LARGE1: variants seen among roughly 807,000 people sequenced by gnomAD.
LARGE1 encodes the protein LARGE xylosyl- and glucuronyltransferase 1.
A neutral mutation model predicts 87.6 loss-of-function variants in LARGE1; 43 were observed. That is an observed-to-expected ratio of 0.49 (90% confidence interval 0.38 to 0.63). The LOEUF (loss-of-function observed/expected upper bound fraction) is 0.63, where lower values mean the gene tolerates loss of function less well. Ranked by LOEUF, LARGE1 falls within the 30% of genes least tolerant of loss-of-function variation. LARGE1 has a pLI of 0.00. For synonymous variants in LARGE1, 434 were observed against 394.6 expected (o/e 1.10, Z -1.18); for missense variants, 802 against 1,000.2 (o/e 0.80, Z 2.67).
intron 1 of LARGE1, among the ~76,000 whole-genome samples, chr22:33,886,738 A>AAAAAC (rs1484225258): frequency 5.9e-5 from 9 of 151,780 alleles, no homozygotes; most frequent in Non-Finnish European, 1.3e-4. Flanking sequence ...AAGAGAAGAG[A>AAAAAC]AAAACATGTA....
upstream of LARGE1, among the ~76,000 whole-genome samples, chr22:33,922,164 C>T (rs1410586800): frequency 1.3e-5 from 2 of 151,598 alleles, no homozygotes; most frequent in African/African-American, 4.8e-5. Flanking sequence ...GGGAAGCCCA[C>T]CCTAGTTCTT....
chr22:33,335,367 G>C (rs531989625), intron 10 of LARGE1, among the ~76,000 whole-genome samples: 54 of 152,210 alleles, frequency 3.5e-4, no homozygotes, highest in Non-Finnish European at 7.1e-4. Context: ...TAGGGTGATG[G>C]GGAGAAGGGC....
At chr22:33,120,407 T>TTTCTTTCC in the LARGE1 span, among the ~76,000 whole-genome samples, 10 of 99,230 alleles carry the variant, frequency 1.0e-4, no homozygotes, top group East Asian at 2.4e-3. Context: ...TCTTTCTTTC[T>TTTCTTTCC]TTCCTTCTTT....
chr22:33,549,935 T>C (rs2077473911), intron 6 of LARGE1, among the ~76,000 whole-genome samples: 1 of 152,176 alleles, frequency 6.6e-6, no homozygotes, highest in Admixed American at 6.5e-5. Context: ...AACTCACCCT[T>C]TGTTTACGGC....
chr22:33,714,353 C>T (rs562306708), intron 2 of LARGE1, among the ~76,000 whole-genome samples: 8 of 152,326 alleles, frequency 5.3e-5, no homozygotes, highest in South Asian at 2.1e-4. Flanking sequence ...GTTCAACCCT[C>T]GGCTTCTCTG....
At chr22:33,463,827 C>T (rs1388399590) in intron 6 of LARGE1, among the ~76,000 whole-genome samples, 1 of 152,098 alleles carries the variant, frequency 6.6e-6, no homozygotes, top group Non-Finnish European at 1.5e-5. Flanking sequence ...TGCCTGCTAC[C>T]ACGCTCAGCT....
At chr22:33,112,964 A>T in the LARGE1 span, among the ~76,000 whole-genome samples, 2 of 152,200 alleles carry the variant, frequency 1.3e-5, no homozygotes, top group Admixed American at 1.3e-4. Context: ...TAAAAATCCA[A>T]GAGAAATGAA....
intron 9 of LARGE1, among the ~76,000 whole-genome samples, chr22:33,350,172 T>C (rs1326015514): frequency 6.6e-6 from 1 of 152,240 alleles, no homozygotes; most frequent in Non-Finnish European, 1.5e-5. Flanking sequence ...TTCTCTAATG[T>C]TCATCATGTT....
intron 11 of LARGE1, among the ~76,000 whole-genome samples, chr22:33,176,619 T>G (rs1337500951): frequency 6.6e-6 from 1 of 152,022 alleles, no homozygotes; most frequent in Non-Finnish European, 1.5e-5. Flanking sequence ...ACCACCTCAC[T>G]CCAGTTAGAA....
the LARGE1 span, chr22:33,105,655 C>T: frequency 2.0e-5 from 3 of 152,110 alleles, no homozygotes; most frequent in African/African-American, 7.2e-5. Flanking sequence ...TGAGTCAGAC[C>T]CTCAGAGTGG....
At chr22:33,621,981 T>A (rs2079768306) in intron 4 of LARGE1, among the ~76,000 whole-genome samples, 1 of 152,084 alleles carries the variant, frequency 6.6e-6, no homozygotes, top group Non-Finnish European at 1.5e-5. Flanking sequence ...ATAAGAAACA[T>A]CTGAGCTCCC....
At chr22:33,846,938 C>T (rs1038393010) in intron 1 of LARGE1, among the ~76,000 whole-genome samples, 11 of 152,190 alleles carry the variant, frequency 7.2e-5, no homozygotes, top group African/African-American at 2.4e-4. Flanking sequence ...CTTGTGATCT[C>T]GTTCTGCCTC....
intron 1 of LARGE1, among the ~76,000 whole-genome samples, chr22:33,805,324 T>G (rs562057827): frequency 2.0e-5 from 3 of 152,254 alleles, no homozygotes; most frequent in African/African-American, 7.2e-5. Context: ...TCCTCTATCC[T>G]TGTCTGCAAG....
At chr22:33,767,608 C>A (rs1347956146) in intron 1 of LARGE1, among the ~76,000 whole-genome samples, 1 of 151,952 alleles carries the variant, frequency 6.6e-6, no homozygotes, top group Non-Finnish European at 1.5e-5. Context: ...ACATTCCAAG[C>A]GTGTGCGCCA....
chr22:33,089,373 T>TCCTTCG, the LARGE1 span, among the ~76,000 whole-genome samples: 1 of 142,728 alleles, frequency 7.0e-6, no homozygotes, highest in Admixed American at 7.0e-5. Context: ...CTTCTTCTCC[T>TCCTTCG]TCTTCTTCTT....
chr22:33,283,019 G>A lies in LARGE1; in HGVS notation c.1877+183C>T, dbSNP rs17795326. Among the ~76,000 whole-genome samples, 12,471 of 152,214 alleles carry A rather than the reference G, an allele frequency of 0.082. 540 individuals carry two copies. The highest frequency in any genetic ancestry group is 0.11 in the Middle Eastern group (32 of 294). On this transcript the variant is annotated intron_variant, in intron 13 of 14. Coordinates refer to ENST00000397394, the MANE Select transcript of LARGE1 (RefSeq NM_133642.5). The stretch of plus-strand genomic sequence containing the variant: ...CCATGCACAAAAAAGTACATGGCAC[G>A]TACCGGCATGGGGAGAGGAGGGAGA...
chr22:33,902,266 G>A (rs2065304384), intron 1 of LARGE1, among the ~76,000 whole-genome samples: 1 of 152,208 alleles, frequency 6.6e-6, no homozygotes, highest in African/African-American at 2.4e-5. Flanking sequence ...GCCCAGCAGA[G>A]CTCTTGGCCA....
intron 2 of LARGE1, among the ~76,000 whole-genome samples, chr22:33,661,751 C>T (rs1159072360): frequency 6.6e-6 from 1 of 152,004 alleles, no homozygotes; most frequent in African/African-American, 2.4e-5. Flanking sequence ...GGACTCTCAT[C>T]AAAAAGGATC....
At chr22:33,760,552 C>A in intron 2 of LARGE1, among the ~76,000 whole-genome samples, 1 of 152,184 alleles carries the variant, frequency 6.6e-6, no homozygotes, top group Non-Finnish European at 1.5e-5. Flanking sequence ...CTATCTGTCT[C>A]CTCCGCTATC....
Sources: gnomAD v4.1 joint callset for allele counts (sites outside exome capture counted in the v4.1 genomes callset) on GRCh38, gnomAD v4.1.1 for gene constraint, MANE v1.5 for transcripts, NCBI Gene and HGNC (gene_info 2026-07-23, HGNC 2026-07-21) for gene names.